Variants in NOL8 observed in about 807,000 individuals in gnomAD.
The protein encoded by NOL8 is nucleolar protein Nop132.
NOL8 carries 93 observed loss-of-function variants against 116.1 expected under a neutral mutation model. The observed-to-expected ratio is 0.80, with a 90% CI of 0.68 to 0.95. The LOEUF is 0.95. Ranked by LOEUF, NOL8 falls within the 40% of genes least tolerant of loss-of-function variation. The probability of loss-of-function intolerance (pLI) is 0.00; values close to 1 mark genes in which losing one functional copy is unlikely to be tolerated. For synonymous variants in NOL8, 419 were observed against 469.0 expected, an observed-to-expected ratio of 0.89 and a Z score of 1.38; for missense variants, 1,291 against 1,382.8, an observed-to-expected ratio of 0.93 and a Z score of 1.05.
chr9:92,316,219 A>G, intron 6 of NOL8, 81 bp from the exon 7 acceptor site: 2 of 1,414,420 alleles, frequency 1.4e-6, no homozygotes, highest in Non-Finnish European at 1.9e-6. Flanking sequence ...ATATTGCTTA[A>G]TCTCAAATAA....
At chr9:92,317,097 C>T (rs1839480656) in intron 6 of NOL8, among the ~76,000 whole-genome samples, 1 of 152,142 alleles carries the variant, frequency 6.6e-6, no homozygotes, top group Non-Finnish European at 1.5e-5. Flanking sequence ...GGACCACAGG[C>T]ATGTGCCACC....
In NOL8 at chr9:92,307,357, CTT is replaced by C. The variant is rs376952771; in HGVS notation, c.2687-335_2687-334del. Among the ~76,000 whole-genome samples, 937 of 152,146 alleles carry C rather than the reference CTT, an allele frequency of 6.2e-3. 7 individuals are homozygous for C. The highest frequency in any genetic ancestry group is 0.022 in the African/African-American group (894 of 41,528). ...CTAATAACTACAGTGATTATAGACT[CTT>C]TGATTTTTTTAACATTCTAAACATA... On this transcript the variant is annotated intron_variant, in intron 10 of 16. Coordinates refer to ENST00000442668, the MANE Select transcript of NOL8 (RefSeq NM_017948.6).
chr9:92,318,033 CAAAA>C (rs745928872), intron 6 of NOL8, among the ~76,000 whole-genome samples: 6 of 34,602 alleles, frequency 1.7e-4, no homozygotes, highest in Admixed American at 9.8e-4. Flanking sequence ...GACTCCATCT[CAAAA>C]AAAAAAAAAA....
At chr9:92,310,407 G>C (rs1838668079) in intron 9 of NOL8, 146 bp from the exon 10 acceptor site, 6 of 1,171,278 alleles carry the variant, frequency 5.1e-6, no homozygotes, top group Non-Finnish European at 6.2e-6. Context: ...GAACCAATCA[G>C]AGAGGATCAC....
intron 7 of NOL8, 85 bp from the exon 8 acceptor site, chr9:92,311,344 C>T: frequency 3.5e-6 from 3 of 864,878 alleles, no homozygotes; most frequent in South Asian, 1.6e-5. Context: ...CCAAAATTGA[C>T]AAGTGGGATC....
chr9:92,324,157 T>C lies in NOL8; in HGVS notation c.5A>G (p.Lys2Arg), dbSNP rs1172870427. The change falls in exon 2 of 17, where the codon AAA becomes AGA. Residue 2 changes from lysine to arginine, a missense_variant. Transcript: ENST00000442668. Reference sequence around the variant, plus strand: ...AAGGCGCTTCGTTTCTCTGTTCACTTTCATGAAGGCTGGGCATATACTTGG... The same window carrying C: ...AAGGCGCTTCGTTTCTCTGTTCACTCTCATGAAGGCTGGGCATATACTTGG... Reference protein sequence around the residue: MKVNRETKRLYV... With the variant: MRVNRETKRLYV... 1 of 1,613,486 alleles carries C rather than the reference T, an allele frequency of 6.2e-7. No homozygotes were observed. The highest frequency in any genetic ancestry group is 8.5e-7 in the Non-Finnish European group (1 of 1,179,632).
Position 92,314,731 on chromosome 9 carries a change from G to A in NOL8, c.1894C>T (p.His632Tyr), listed in dbSNP as rs371859808. The A allele has an allele frequency of 1.2e-6, 2 of 1,613,834 alleles. No homozygotes were observed. Among genetic ancestry groups the A allele is most frequent in the African/African-American group, 2.7e-5 (2 of 75,028 alleles). Residue 632 changes from histidine (H) to tyrosine (Y), a missense_variant, in exon 7 of 17, where the codon CAT (histidine) becomes TAT (tyrosine). Physicochemically the swap from His to Tyr is moderately conservative, Grantham distance 83. Transcript: ENST00000442668. ...GSLGEVTPCQ[H>Y]AKKANGPNYI... ...TTTGGGCCATTCGCCTTCTTTGCAT[G>A]TTGGCATGGAGTCACTTCACCTAAT...
intron 3 of NOL8, 163 bp downstream of exon 3, chr9:92,323,278 C>A (rs1281977088): frequency 1.3e-6 from 2 of 1,528,142 alleles, no homozygotes; most frequent in South Asian, 1.2e-5. Flanking sequence ...ATGGAATGGA[C>A]CTAAACCTGC....
intron 6 of NOL8, among the ~76,000 whole-genome samples, chr9:92,316,859 A>G (rs1839459154): frequency 6.6e-6 from 1 of 152,228 alleles, no homozygotes; most frequent in Non-Finnish European, 1.5e-5. Flanking sequence ...ACTATCCGGG[A>G]AAGATTCTAG....
intron 14 of NOL8, 148 bp downstream of exon 14, chr9:92,299,742 A>G (rs1429506856): frequency 1.3e-6 from 1 of 766,960 alleles, no homozygotes; most frequent in East Asian, 3.1e-5. Context: ...ACAGAGCAAC[A>G]CTCCGTCTCA....
Position 92,306,999 on chromosome 9 carries a change from C to T in NOL8, c.2712G>A (p.Glu904=). The change falls in exon 11 of 17, where the codon GAG becomes GAA. Residue 904 remains glutamate, a synonymous_variant. Coordinates refer to ENST00000442668, the MANE Select transcript of NOL8 (RefSeq NM_017948.6). Reference sequence around the variant, plus strand: ...TTTTTTCTTCAGCAAGCTCTTCTTCCTCAGCAGTTTTCTTTTCATTTACCT... The same window carrying T: ...TTTTTTCTTCAGCAAGCTCTTCTTCTTCAGCAGTTTTCTTTTCATTTACCT... ...QEEVNEKKTA[E]EEELAEEKKK... 6.2e-7 allele frequency: 1 copy of T among 1,611,324 alleles called. No homozygotes were observed. Among genetic ancestry groups the T allele is most frequent in the Non-Finnish European group, 8.5e-7 (1 of 1,179,366 alleles).
Position 92,319,373 on chromosome 9 carries a change from A to T in NOL8, c.282-17T>A. ...TGGGCCAATCTGAATCAAAAAGAAA[A>T]TACAAATAAAAGAGTCAAAATAATC... On this transcript the variant is annotated splice_polypyrimidine_tract_variant and intron_variant, in intron 4 of 16. Transcript: ENST00000442668. 6.6e-7 allele frequency: 1 copy of T among 1,525,992 alleles called. No homozygotes were observed. The allele number at this position is 1,525,992 out of a possible 1,614,324, so 94.5% of individuals were successfully genotyped here.
intron 6 of NOL8, among the ~76,000 whole-genome samples, chr9:92,317,861 CGTCTCTAGTAAAAATACAA>C (rs1279068142): frequency 1.3e-5 from 2 of 151,116 alleles, no homozygotes; most frequent in African/African-American, 4.9e-5. Flanking sequence ...GGTGAAACCC[CGTCTCTAGTAAAAATACAA>C]AAAAATTAGC....
chr9:92,316,678 G>A (rs1273439176), intron 6 of NOL8, among the ~76,000 whole-genome samples: 1 of 152,148 alleles, frequency 6.6e-6, no homozygotes, highest in Non-Finnish European at 1.5e-5. Flanking sequence ...AAGCTGGCCT[G>A]GGCACGGTGG....
At chr9:92,298,435 G>T in intron 15 of NOL8, 99 bp from the exon 16 acceptor site, 1 of 671,772 alleles carries the variant, frequency 1.5e-6, no homozygotes, top group Non-Finnish European at 2.5e-6. Flanking sequence ...TACCAGTTAA[G>T]ATCATTCTTT....
chr9:92,306,956 C>G lies in NOL8; in HGVS notation c.2755G>C (p.Val919Leu), dbSNP rs1838321833. ...AEEKKKALNV[V>L]QSVLQINLSN... Reference sequence around the variant, plus strand: ...AAGTTGATTTGCAAAACACTTTGTACAACATTCAGGGCTTTCTTTTTTTCT... The same window carrying G: ...AAGTTGATTTGCAAAACACTTTGTAGAACATTCAGGGCTTTCTTTTTTTCT... Residue 919 changes from valine (V) to leucine (L), a missense_variant, in exon 11 of 17, where the codon GTA (valine) becomes CTA (leucine). Physicochemically the swap from Val to Leu is conservative, Grantham distance 32 (BLOSUM62 1). Coordinates refer to ENST00000442668, the MANE Select transcript of NOL8 (RefSeq NM_017948.6). 6.2e-7 allele frequency: 1 copy of G among 1,613,398 alleles called. No individual in the cohort carries two copies. The highest frequency in any genetic ancestry group is 2.2e-5 in the East Asian group (1 of 44,844).
chr9:92,317,692 C>A (rs1177221948), intron 6 of NOL8, among the ~76,000 whole-genome samples: 1 of 152,122 alleles, frequency 6.6e-6, no homozygotes, highest in Non-Finnish European at 1.5e-5. Context: ...GTTTCAAATA[C>A]CTGCTACTGT....
Position 92,314,676 on chromosome 9 carries a change from G to C in NOL8, c.1949C>G (p.Thr650Ser), listed in dbSNP as rs1466370824. ...NYIQPQKRQT[T>S]FESQDRKAVS... ...TGCCTTGCGATCCTGGCTTTCAAAA[G>C]TGGTCTGTCTTTTTTGAGGCTGAAT... The change falls in exon 7 of 17, where the codon ACT (threonine) becomes AGT (serine). Residue 650 changes from threonine (T) to serine (S), a missense_variant. Thr to Ser is a moderately conservative substitution (Grantham distance 58). Coordinates refer to ENST00000442668, the MANE Select transcript of NOL8 (RefSeq NM_017948.6). 3.1e-6 allele frequency: 5 copies of C among 1,613,726 alleles called. No individual in the cohort carries two copies. The East Asian group carries it at 1.1e-4, about 36-fold the overall frequency.
chr9:92,313,867 G>A (rs1222618170), intron 7 of NOL8, among the ~76,000 whole-genome samples: 2 of 152,084 alleles, frequency 1.3e-5, no homozygotes, highest in Non-Finnish European at 2.9e-5. Flanking sequence ...CACACCATGA[G>A]CCAAAAACTG....
Sources: gnomAD v4.1 joint callset for allele counts (sites outside exome capture counted in the v4.1 genomes callset) on GRCh38, gnomAD v4.1.1 for gene constraint, MANE v1.5 for transcripts, NCBI Gene and HGNC (gene_info 2026-07-23, HGNC 2026-07-21) for gene names.